The following PIP4K2A variants were observed in gnomAD, a reference collection of about 807,000 sequenced individuals.
PIP4K2A encodes phosphatidylinositol-5-phosphate 4-kinase type 2 alpha.
In PIP4K2A, 14 loss-of-function variants were observed where a neutral mutation model predicts 42.9. The observed-to-expected ratio is 0.33, with a 90% CI of 0.22 to 0.51. The LOEUF is 0.51. Ranked by LOEUF, PIP4K2A falls within the 20% of genes least tolerant of loss-of-function variation. The pLI is 0.97. For synonymous variants in PIP4K2A, 192 were observed against 192.2 expected (o/e 1.00, Z 0.01); for missense variants, 434 against 519.8 (o/e 0.83, Z 1.61).
At position 22,542,756 on chromosome 10, in the gene PIP4K2A, CTT is replaced by C. The variant is rs772944998; in HGVS notation, c.793-711_793-710del. ...TTTGACTTTTCAGATCACGATTTCT[CTT>C]TGTTTCCCTTTTCTTATTTGAGACC... On this transcript the variant is annotated intron_variant, in intron 7 of 9. Coordinates refer to ENST00000376573, the MANE Select transcript of PIP4K2A (RefSeq NM_005028.5). 5.3e-5 allele frequency among the ~76,000 whole-genome samples: 8 copies of C among 152,352 alleles called. No homozygotes were observed. In the East Asian group the frequency reaches 9.6e-4, roughly 18 times the overall value.
rs1836433549 is a variant in PIP4K2A at position 22,552,408 on chromosome 10, T to C, written c.679-1636A>G. ...CGCCATTCTTCACAAAATGTCAGGA[T>C]GCGCCTGCTAGACTTACCCCCTAAA... is the stretch of plus-strand genomic sequence containing the variant. On this transcript the variant is annotated intron_variant, in intron 6 of 9. Transcript: ENST00000376573. 2.0e-5 allele frequency among the ~76,000 whole-genome samples: 3 copies of C among 152,322 alleles called. No homozygotes were observed. In the South Asian group the frequency reaches 6.2e-4, roughly 32 times the overall value.
intron 7 of PIP4K2A, among the ~76,000 whole-genome samples, chr10:22,549,145 T>A (rs1161408770): frequency 6.6e-6 from 1 of 152,192 alleles, no homozygotes; most frequent in Non-Finnish European, 1.5e-5. Flanking sequence ...AATCCAAGTA[T>A]GTATACTATA....
At chr10:22,672,080 T>C (rs981732675) in intron 1 of PIP4K2A, among the ~76,000 whole-genome samples, 2 of 152,196 alleles carry the variant, frequency 1.3e-5, no homozygotes, top group African/African-American at 4.8e-5. Flanking sequence ...GAAGCACTGG[T>C]TCTTCCTCCA....
At chr10:22,642,402 G>C (rs979743281) in intron 1 of PIP4K2A, among the ~76,000 whole-genome samples, 7 of 151,998 alleles carry the variant, frequency 4.6e-5, no homozygotes, top group Non-Finnish European at 8.8e-5. Flanking sequence ...GGATAGGCTG[G>C]AAAAATCAAC....
intron 1 of PIP4K2A, among the ~76,000 whole-genome samples, chr10:22,650,340 C>T (rs1425556549): frequency 2.6e-5 from 4 of 152,170 alleles, no homozygotes; most frequent in Admixed American, 6.5e-5. Flanking sequence ...ACAGCAACTT[C>T]GACTTCCCGG....
chr10:22,664,128 T>C (rs11498379), intron 1 of PIP4K2A, among the ~76,000 whole-genome samples: 1,270 of 61,576 alleles, frequency 0.021, 43 homozygotes, highest in African/African-American at 0.031. Flanking sequence ...TATATATATA[T>C]ACATATATAT....
rs1056239997 is a variant in PIP4K2A at position 22,583,444 on chromosome 10, T to C, written c.492+8185A>G. 6.6e-5 allele frequency among the ~76,000 whole-genome samples: 10 copies of C among 152,058 alleles called. 1 individual carries two copies. Among genetic ancestry groups the C allele is most frequent in the Non-Finnish European group, 4.4e-5 (3 of 67,998 alleles). On this transcript the variant is annotated intron_variant, in intron 4 of 9. Coordinates refer to ENST00000376573, the MANE Select transcript of PIP4K2A (RefSeq NM_005028.5). The stretch of plus-strand genomic sequence containing the variant: ...TTGGGCAGGTGCACCGGAGAGCAGG[T>C]GTGCCCAGGGAGCATGTGAGGAGCT...
chr10:22,571,471 T>C (rs1469154901), intron 5 of PIP4K2A, among the ~76,000 whole-genome samples: 5 of 152,392 alleles, frequency 3.3e-5, no homozygotes, highest in Non-Finnish European at 5.9e-5. Flanking sequence ...AACACTGTTA[T>C]GACTTTTTGA....
chr10:22,679,855 T>G (rs752369677), intron 1 of PIP4K2A, among the ~76,000 whole-genome samples: 5 of 152,144 alleles, frequency 3.3e-5, no homozygotes, highest in Non-Finnish European at 7.3e-5. Flanking sequence ...GATTAGTGGT[T>G]GCCTAGGGCT....
intron 1 of PIP4K2A, among the ~76,000 whole-genome samples, chr10:22,655,822 G>C (rs1181268159): frequency 1.3e-5 from 2 of 152,286 alleles, no homozygotes; most frequent in East Asian, 3.9e-4. Context: ...CCAAATCTGT[G>C]ATTTGTGCAA....
intron 3 of PIP4K2A, among the ~76,000 whole-genome samples, chr10:22,607,316 A>C (rs1837926554): frequency 6.6e-6 from 1 of 152,168 alleles, no homozygotes; most frequent in Non-Finnish European, 1.5e-5. Flanking sequence ...TGTGGGGAGG[A>C]GAGCAGCAGT....
chr10:22,552,639 TG>T (rs1836441369), intron 6 of PIP4K2A, among the ~76,000 whole-genome samples: 1 of 151,714 alleles, frequency 6.6e-6, no homozygotes, highest in South Asian at 2.1e-4. Flanking sequence ...CAGAGGGCAG[TG>T]AGAACATAAG....
chr10:22,652,090 T>C (rs1245296141), intron 1 of PIP4K2A, among the ~76,000 whole-genome samples: 3 of 152,068 alleles, frequency 2.0e-5, no homozygotes, highest in African/African-American at 4.8e-5. Context: ...TAACCACTAA[T>C]AGTCATGAAA....
intron 1 of PIP4K2A, among the ~76,000 whole-genome samples, chr10:22,664,090 C>CATATATATATACATATATATATACGT (rs1839272558): frequency 2.2e-4 from 14 of 64,018 alleles, no homozygotes; most frequent in East Asian, 3.1e-4. Context: ...TATATATATA[C>CATATATATATACATATATATATACGT]ATATATATAT....
intron 1 of PIP4K2A, among the ~76,000 whole-genome samples, chr10:22,634,425 T>C (rs1172491246): frequency 6.6e-6 from 1 of 152,260 alleles, no homozygotes. Flanking sequence ...CTGACAAGGC[T>C]GTTCCAACAA....
intron 1 of PIP4K2A, among the ~76,000 whole-genome samples, chr10:22,614,614 A>T (rs182206974): frequency 6.6e-6 from 1 of 152,230 alleles, no homozygotes; most frequent in African/African-American, 2.4e-5. Flanking sequence ...AGAAGCTTTT[A>T]ATTAGTAAAC....
intron 1 of PIP4K2A, among the ~76,000 whole-genome samples, chr10:22,674,410 G>T (rs905184103): frequency 5.3e-5 from 7 of 131,816 alleles, no homozygotes; most frequent in African/African-American, 1.5e-4. Context: ...CAAGACACTT[G>T]GGAGCAAAAA....
In PIP4K2A at chr10:22,607,976, A is replaced by C; in HGVS notation, c.290T>G (p.Val97Gly). ...HFKFKEYCPMVFRNLRERFGI... is the reference protein window; with the variant it reads ...HFKFKEYCPMGFRNLRERFGI... ...AAACCTCTCCCGCAGGTTACGGAAG[A>C]CCATCGGGCAGTATTCCTTAAACTT... Residue 97 changes from valine to glycine, a missense_variant, in exon 3 of 10, where the codon GTC becomes GGC. By Grantham distance (109) the Val-to-Gly change is moderately radical. This residue lies in a region of PIP4K2A where 395 missense variants were observed against 444.5 expected (regional missense o/e 0.89). Coordinates refer to ENST00000376573, the MANE Select transcript of PIP4K2A (RefSeq NM_005028.5). 6.2e-7 allele frequency: 1 copy of C among 1,613,572 alleles called. No homozygotes were observed. The highest frequency in any genetic ancestry group is 8.5e-7 in the Non-Finnish European group (1 of 1,179,574).
At chr10:22,591,952 T>C (rs559283801) in intron 3 of PIP4K2A, among the ~76,000 whole-genome samples, 171 bp from the exon 4 acceptor site, 31 of 152,368 alleles carry the variant, frequency 2.0e-4, no homozygotes, top group Non-Finnish European at 3.4e-4. Flanking sequence ...ATAACTCACA[T>C]TGCAAGCCTT....
Sources: allele counts gnomAD v4.1 joint callset (sites outside exome capture counted in the v4.1 genomes callset), GRCh38; gene constraint gnomAD v4.1.1; regional missense constraint gnomAD v4.1.1; transcripts MANE v1.5; gene names NCBI Gene and HGNC (gene_info 2026-07-23, HGNC 2026-07-21).